Variants in CYB5R3 observed in about 807,000 individuals in gnomAD.
CYB5R3 encodes cytochrome b5 reductase 3, also known as NADH-cytochrome b5 reductase 3.
In CYB5R3, 28 loss-of-function variants were observed where a neutral mutation model predicts 36.5. The ratio of observed to expected loss-of-function variants is 0.77; its 90% CI spans 0.57 to 1.05. The LOEUF (loss-of-function observed/expected upper bound fraction) is 1.05. Among genes scored for constraint, CYB5R3 ranks in the 50% least tolerant of loss-of-function variants. The pLI, the probability that CYB5R3 is intolerant of heterozygous loss-of-function variation, is 0.00. For missense variants in CYB5R3, 474 were observed against 408.9 expected (o/e 1.16, Z -1.37); for synonymous variants, 181 against 159.8 (o/e 1.13, Z -1.00).
At chr22:42,636,090 C>A (rs182031206) in intron 2 of CYB5R3, among the ~76,000 whole-genome samples, 3 of 152,124 alleles carry the variant, frequency 2.0e-5, no homozygotes, top group Admixed American at 2.0e-4. Context: ...GTGGCTCACG[C>A]CTGTAATCGC....
At chr22:42,634,971 AT>A (rs1216844856) in intron 2 of CYB5R3, among the ~76,000 whole-genome samples, 2,382 of 118,726 alleles carry the variant, frequency 0.02, 55 homozygotes, top group African/African-American at 0.067. Flanking sequence ...CGCCCAGCTA[AT>A]TTTTTTTTTT....
intron 3 of CYB5R3, 170 bp from the exon 4 acceptor site, chr22:42,631,158 C>T: frequency 1.3e-6 from 1 of 771,794 alleles, no homozygotes; most frequent in Non-Finnish European, 2.2e-6. Flanking sequence ...TCCCAGCTTC[C>T]TGCCTCCATG....
Position 42,619,621 on chromosome 22 carries a change from C to T in CYB5R3, c.*152G>A. On this transcript the variant is annotated 3_prime_UTR_variant, in exon 9 of 9. Coordinates refer to ENST00000352397, the MANE Select transcript of CYB5R3 (RefSeq NM_000398.7). ...ACACAGCCCTGCTCCCGAAGGGGCT[C>T]CAGGGGAACTGCTCAGCCAGGTGAT... is the stretch of plus-strand genomic sequence containing the variant. The T allele has an allele frequency of 1.4e-6, 1 of 721,110 alleles. No homozygotes were observed. The highest frequency in any genetic ancestry group is 2.3e-6 in the Non-Finnish European group (1 of 436,668). The allele number at this position is 721,110 out of a possible 1,614,324, so 44.7% of individuals were successfully genotyped here. A position where few individuals can be genotyped will look rare whatever the true frequency, so the allele number is the denominator to read the frequency against.
In CYB5R3 at chr22:42,627,688, C is replaced by A; in HGVS notation, c.464G>T (p.Gly155Val). ...PSGLLVYQGK[G>V]KFAIRPDKKS... ...TTTGTCAGGTCGGATGGCGAACTTCCCTGGGGAGAGAGAAGGGGTGAGGCC... is the reference window on the plus strand; with the variant it reads ...TTTGTCAGGTCGGATGGCGAACTTCACTGGGGAGAGAGAAGGGGTGAGGCC... Residue 155 changes from glycine (G) to valine (V), a missense_variant and splice_region_variant, in exon 6 of 9, where the codon GGG (glycine) becomes GTG (valine). Physicochemically the swap from Gly to Val is moderately radical, Grantham distance 109 (BLOSUM62 -3). Coordinates refer to ENST00000352397, the MANE Select transcript of CYB5R3 (RefSeq NM_000398.7). 5.0e-6 allele frequency: 8 copies of A among 1,611,544 alleles called. No homozygotes were observed. The highest frequency in any genetic ancestry group is 6.8e-6 in the Non-Finnish European group (8 of 1,177,640).
chr22:42,648,765 C>T (rs1929638544), intron 1 of CYB5R3, among the ~76,000 whole-genome samples: 1 of 152,136 alleles, frequency 6.6e-6, no homozygotes, highest in Non-Finnish European at 1.5e-5. Flanking sequence ...GTGCAAAACC[C>T]TCTGACATAG....
chr22:42,627,661 T>C lies in CYB5R3; in HGVS notation c.491A>G (p.Lys164Arg). 6.2e-7 allele frequency: 1 copy of C among 1,614,120 alleles called. No homozygotes were observed. The highest frequency in any genetic ancestry group is 1.3e-5 in the African/African-American group (1 of 75,054). ...KGKFAIRPDK[K>R]SNPIIRTVKS... ...CACTGTCCTGATGATAGGGTTGGAC[T>C]TTTTGTCAGGTCGGATGGCGAACTT... Residue 164 changes from lysine (K) to arginine (R), a missense_variant, in exon 6 of 9, where the codon AAG becomes AGG. Lys to Arg is a conservative substitution (Grantham distance 26). Transcript: ENST00000352397.
intron 1 of CYB5R3, chr22:42,640,442 G>C (rs1355233426): frequency 2.3e-6 from 1 of 443,662 alleles, no homozygotes; most frequent in African/African-American, 2.0e-5. Context: ...ACAGTGGTGT[G>C]ATCTTGGCTA....
intron 6 of CYB5R3, 59 bp downstream of exon 6, chr22:42,627,546 C>T (rs373284747): frequency 5.5e-4 from 851 of 1,548,912 alleles, no homozygotes; most frequent in Non-Finnish European, 7.1e-4. Context: ...GCCTCACCCA[C>T]ACCCCAACCC....
chr22:42,642,557 G>C (rs1929335875), intron 1 of CYB5R3, among the ~76,000 whole-genome samples: 1 of 152,190 alleles, frequency 6.6e-6, no homozygotes, highest in African/African-American at 2.4e-5. Flanking sequence ...TCCTGCCTCA[G>C]CCTCCCGAGT....
intron 1 of CYB5R3, chr22:42,639,841 C>A: frequency 1.9e-6 from 2 of 1,065,500 alleles, no homozygotes; most frequent in South Asian, 3.5e-5. Context: ...CTGCTTGATT[C>A]ACTTTTTTTT....
rs1810408174 is a variant in CYB5R3 at position 42,618,495 on chromosome 22, C to T, written c.*1278G>A. The T allele has an allele frequency of 7.0e-6, 1 of 143,104 alleles. No individual in the cohort carries two copies. The highest frequency in any genetic ancestry group is 6.9e-5 in the Admixed American group (1 of 14,494). The allele number at this position is 143,104 out of a possible 1,614,324, so 8.9% of individuals were successfully genotyped here. ...GAGCTTGCAGTGAGCCGAGATCCCG[C>T]CACTGCACTCCAGCCTGGGCGACAG... On this transcript the variant is annotated 3_prime_UTR_variant, in exon 9 of 9. Transcript: ENST00000352397.
At chr22:42,633,272 C>G (rs1210967081) in intron 2 of CYB5R3, 1 of 152,220 alleles carries the variant, frequency 6.6e-6, no homozygotes, top group African/African-American at 2.4e-5. Flanking sequence ...GCTACAAAAC[C>G]AGGTTATCAA....
At position 42,619,623 on chromosome 22, in the gene CYB5R3, A is replaced by C; in HGVS notation, c.*150T>G. ...ACAGCCCTGCTCCCGAAGGGGCTCC[A>C]GGGGAACTGCTCAGCCAGGTGATTC... On this transcript the variant is annotated 3_prime_UTR_variant, in exon 9 of 9. Transcript: ENST00000352397. 4.1e-6 allele frequency: 3 copies of C among 728,168 alleles called. No homozygotes were observed. 45.1% of individuals were successfully genotyped at this position (728,168 alleles called of 1,614,324 possible).
intron 8 of CYB5R3, among the ~76,000 whole-genome samples, chr22:42,620,414 T>A (rs1443948456): frequency 6.6e-6 from 1 of 151,670 alleles, no homozygotes; most frequent in Non-Finnish European, 1.5e-5. Flanking sequence ...AGGGTGACAG[T>A]CTCTAACTGC....
Position 42,630,802 on chromosome 22 carries a change from C to T in CYB5R3, c.333+80G>A, listed in dbSNP as rs1357001619. 9.5e-6 allele frequency: 12 copies of T among 1,263,558 alleles called. No individual in the cohort carries two copies. The Admixed American group carries it at 1.8e-4, about 19-fold the overall frequency. The allele number at this position is 1,263,558 out of a possible 1,614,324, so 78.3% of individuals were successfully genotyped here. Reference sequence around the variant, plus strand: ...GCACAGGGCAGGAGCGGGAGACTTCCCTGTCCAGGGGGTCCACATGGGCTG... The same window carrying T: ...GCACAGGGCAGGAGCGGGAGACTTCTCTGTCCAGGGGGTCCACATGGGCTG... On this transcript the variant is annotated intron_variant, in intron 4 of 8. Transcript: ENST00000352397.
rs1335821899 is a variant in CYB5R3, at chr22:42,627,696, G to A, written c.464-8C>T. The stretch of plus-strand genomic sequence containing the variant: ...GTCGGATGGCGAACTTCCCTGGGGA[G>A]AGAGAAGGGGTGAGGCCCGGCCATC... On this transcript the variant is annotated splice_region_variant and splice_polypyrimidine_tract_variant and intron_variant, in intron 5 of 8. Coordinates refer to ENST00000352397, the MANE Select transcript of CYB5R3 (RefSeq NM_000398.7). 1.9e-6 allele frequency: 3 copies of A among 1,603,966 alleles called. No individual in the cohort carries two copies. The Admixed American group carries it at 5.0e-5, about 27-fold the overall frequency.
chr22:42,626,287 G>C (rs561111847), intron 7 of CYB5R3, among the ~76,000 whole-genome samples: 19 of 152,330 alleles, frequency 1.2e-4, no homozygotes, highest in Non-Finnish European at 2.5e-4. Flanking sequence ...TCCAGCCTGA[G>C]GGACAAGAGC....
intron 1 of CYB5R3, chr22:42,647,049 A>G (rs995163940): frequency 3.2e-5 from 28 of 868,140 alleles, no homozygotes; most frequent in African/African-American, 3.6e-5. Context: ...GAGGCCTCCC[A>G]TGGGGCCTGC....
chr22:42,646,433 C>T (rs959258928), intron 1 of CYB5R3, among the ~76,000 whole-genome samples: 1 of 152,142 alleles, frequency 6.6e-6, no homozygotes, highest in Non-Finnish European at 1.5e-5. Flanking sequence ...TGAGGGGCTG[C>T]GTAGCTCTGC....
Sources: allele counts gnomAD v4.1 joint callset (sites outside exome capture counted in the v4.1 genomes callset), GRCh38; gene constraint gnomAD v4.1.1; transcripts MANE v1.5; gene names NCBI Gene and HGNC (gene_info 2026-07-23, HGNC 2026-07-21).